PHF14: variants seen among roughly 807,000 people sequenced by gnomAD.
PHF14 encodes the protein PHD finger protein 14.
Under a neutral mutation model 117.9 loss-of-function variants are expected in PHF14, and 55 were observed. That is an observed-to-expected ratio of 0.47 (90% CI 0.38 to 0.58). PHF14 has a LOEUF of 0.58. PHF14 is among the 20% of genes least tolerant of loss of function. The pLI is 0.00. For missense variants in PHF14, 978 were observed against 1,122.2 expected (o/e 0.87, Z 1.84); for synonymous variants, 409 against 368.6 (o/e 1.11, Z -1.26).
At chr7:11,075,578 T>A (rs924275576) in intron 16 of PHF14, among the ~76,000 whole-genome samples, 2 of 148,400 alleles carry the variant, frequency 1.3e-5, no homozygotes, top group African/African-American at 4.9e-5. Flanking sequence ...TTTTTTTTTT[T>A]TTTTTTTTTT....
chr7:11,070,898 G>A (rs901393208), intron 16 of PHF14, among the ~76,000 whole-genome samples: 3 of 152,042 alleles, frequency 2.0e-5, no homozygotes, highest in African/African-American at 7.2e-5. Context: ...TTTATAATTT[G>A]TTTTTGGGCA....
At chr7:11,088,275 T>C (rs558416687) in intron 16 of PHF14, among the ~76,000 whole-genome samples, 24 of 152,304 alleles carry the variant, frequency 1.6e-4, no homozygotes, top group Non-Finnish European at 1.3e-4. Flanking sequence ...TGCTATTTTT[T>C]ATTGGGTTTA....
rs987512725 is a variant in PHF14, at chr7:11,049,829, C to T, written c.2313-1783C>T. Among the ~76,000 whole-genome samples, 7 of 152,184 alleles carry T rather than the reference C, an allele frequency of 4.6e-5. No individual in the cohort carries two copies. In the East Asian group the frequency reaches 5.8e-4, roughly 13 times the overall value. On this transcript the variant is annotated intron_variant, in intron 13 of 17. Coordinates refer to ENST00000634607, the MANE Select transcript of PHF14 (RefSeq NM_001007157.2). Reference sequence around the variant, plus strand: ...AAATGCAGGAGCAATTTAATATATTCGTTTAGTTGTGTCTTTGTTAATGAT... The same window carrying T: ...AAATGCAGGAGCAATTTAATATATTTGTTTAGTTGTGTCTTTGTTAATGAT...
intron 17 of PHF14, among the ~76,000 whole-genome samples, chr7:11,115,647 G>C (rs542899421): frequency 1.3e-5 from 2 of 151,834 alleles, no homozygotes; most frequent in African/African-American, 2.4e-5. Context: ...TATTATTACT[G>C]TCTGATCCTC....
At chr7:11,019,305 A>G (rs952851319) in intron 5 of PHF14, among the ~76,000 whole-genome samples, 2 of 152,106 alleles carry the variant, frequency 1.3e-5, no homozygotes, top group Admixed American at 6.5e-5. Flanking sequence ...TTTGAGTAAG[A>G]TTGGTATTAG....
At chr7:11,041,936 T>C (rs1160019971) in intron 12 of PHF14, among the ~76,000 whole-genome samples, 1 of 151,718 alleles carries the variant, frequency 6.6e-6, no homozygotes, top group Non-Finnish European at 1.5e-5. Context: ...TTCTGTACTT[T>C]CCAAATATAA....
chr7:11,161,206 G>A (rs1789013870), intron 17 of PHF14, among the ~76,000 whole-genome samples: 1 of 151,886 alleles, frequency 6.6e-6, no homozygotes, highest in African/African-American at 2.4e-5. Flanking sequence ...TAGAAGTTTG[G>A]TAAAACTTAA....
At chr7:11,161,469 A>G (rs1340420940) in intron 17 of PHF14, among the ~76,000 whole-genome samples, 2 of 151,920 alleles carry the variant, frequency 1.3e-5, no homozygotes, top group African/African-American at 4.8e-5. Flanking sequence ...ATCGCTGAGT[A>G]ATTTTTAGTC....
At chr7:11,145,304 AATTCC>A (rs1788515369) in intron 17 of PHF14, among the ~76,000 whole-genome samples, 1 of 148,520 alleles carries the variant, frequency 6.7e-6, no homozygotes, top group Non-Finnish European at 1.5e-5. Flanking sequence ...TCTTTTTTAA[AATTCC>A]ATTGGCCATT....
intron 2 of PHF14, among the ~76,000 whole-genome samples, chr7:10,977,896 T>C (rs1781921088): frequency 6.6e-6 from 1 of 152,198 alleles, no homozygotes; most frequent in Admixed American, 6.5e-5. Flanking sequence ...GGGTGTATGA[T>C]AGGAGACTTA....
chr7:11,022,296 A>G (rs578204773), intron 5 of PHF14, among the ~76,000 whole-genome samples: 44 of 152,274 alleles, frequency 2.9e-4, no homozygotes, highest in African/African-American at 1.0e-3. Flanking sequence ...TGAATTGCTT[A>G]TTCTGTACCT....
At position 11,126,992 on chromosome 7, in the gene PHF14, A is replaced by G. The variant is rs190742521; in HGVS notation, c.2772+15525A>G. 1.0e-3 allele frequency among the ~76,000 whole-genome samples: 155 copies of G among 152,194 alleles called. 1 individual carries two copies. Among genetic ancestry groups the G allele is most frequent in the African/African-American group, 3.5e-3 (147 of 41,538 alleles). ...AATTCCAAGACAAGGTACAAACAGA[A>G]ATGAGCTCGATTCCTTCCATCCCAG... On this transcript the variant is annotated intron_variant, in intron 17 of 17. Coordinates refer to ENST00000634607, the MANE Select transcript of PHF14 (RefSeq NM_001007157.2).
chr7:11,035,563 A>G (rs1022191776), intron 7 of PHF14, 77 bp from the exon 8 acceptor site: 2 of 823,196 alleles, frequency 2.4e-6, no homozygotes, highest in African/African-American at 3.5e-5. Context: ...AAAGGAAGTA[A>G]TATTCTTTTG....
rs981629221 is a variant in PHF14 at position 11,029,372 on chromosome 7, T to G, written c.1455+554T>G. 1.5e-4 allele frequency among the ~76,000 whole-genome samples: 22 copies of G among 150,998 alleles called. 1 individual carries two copies. Among genetic ancestry groups the G allele is most frequent in the African/African-American group, 5.5e-4 (22 of 40,314 alleles). ...AACTATTTTCATTACACTATAAAAA[T>G]GTTACTTACTTTTCTGAACTCTGTT... On this transcript the variant is annotated intron_variant, in intron 7 of 17. Transcript: ENST00000634607.
At chr7:11,013,645 A>C (rs1177767549) in intron 4 of PHF14, 102 bp from the exon 5 acceptor site, 33 of 591,672 alleles carry the variant, frequency 5.6e-5, no homozygotes, top group Non-Finnish European at 3.2e-5. Flanking sequence ...TTGGTGTTTC[A>C]TATCTTTTTC....
intron 16 of PHF14, among the ~76,000 whole-genome samples, chr7:11,096,704 G>C (rs1370404291): frequency 6.6e-6 from 1 of 152,120 alleles, no homozygotes; most frequent in Non-Finnish European, 1.5e-5. Context: ...GAACTGTTTG[G>C]ATATATCGAG....
intron 17 of PHF14, among the ~76,000 whole-genome samples, chr7:11,131,851 CTTT>C (rs972282841): frequency 6.6e-6 from 1 of 151,690 alleles, no homozygotes; most frequent in African/African-American, 2.4e-5. Flanking sequence ...CTCATTCTTT[CTTT>C]TTGACATTTG....
intron 10 of PHF14, among the ~76,000 whole-genome samples, chr7:11,037,309 A>G (rs1784347711): frequency 6.6e-6 from 1 of 152,108 alleles, no homozygotes; most frequent in Non-Finnish European, 1.5e-5. Flanking sequence ...TACATGTATT[A>G]TTTAATTCCC....
intron 4 of PHF14, among the ~76,000 whole-genome samples, chr7:11,009,239 C>T (rs1197396493): frequency 6.6e-6 from 1 of 152,042 alleles, no homozygotes; most frequent in Non-Finnish European, 1.5e-5. Context: ...TTGGTTTGTT[C>T]AAAGTTACAC....
Sources: gnomAD v4.1 joint callset for allele counts (sites outside exome capture counted in the v4.1 genomes callset) on GRCh38, gnomAD v4.1.1 for gene constraint, MANE v1.5 for transcripts, NCBI Gene and HGNC (gene_info 2026-07-23, HGNC 2026-07-21) for gene names.